The following ACOXL variants were observed in gnomAD, a reference collection of about 807,000 sequenced individuals.
ACOXL encodes the protein acyl-coenzyme A oxidase-like protein.
A neutral mutation model predicts 71.9 loss-of-function variants in ACOXL; 70 were observed. That is an observed-to-expected ratio of 0.97 (90% CI 0.80 to 1.19). The LOEUF (loss-of-function observed/expected upper bound fraction) is 1.19. ACOXL is among the 50% of genes most tolerant of loss of function. ACOXL has a pLI of 0.00. For missense variants in ACOXL, 703 were observed against 736.3 expected (o/e 0.95, Z 0.52); for synonymous variants, 253 against 281.6 (o/e 0.90, Z 1.02).
intron 17 of ACOXL, among the ~76,000 whole-genome samples, chr2:111,103,606 C>A (rs1055242030): frequency 6.6e-6 from 1 of 152,164 alleles, no homozygotes; most frequent in African/African-American, 2.4e-5. Context: ...TATTAATCTG[C>A]ATAACGGTTC....
chr2:110,977,627 A>T (rs1294486064), intron 12 of ACOXL, among the ~76,000 whole-genome samples: 2 of 151,994 alleles, frequency 1.3e-5, no homozygotes, highest in Non-Finnish European at 2.9e-5. Flanking sequence ...GCTGGCACTA[A>T]TTTTTTCGAA....
chr2:111,029,967 C>CA (rs1226669908), intron 14 of ACOXL, among the ~76,000 whole-genome samples: 1 of 152,046 alleles, frequency 6.6e-6, no homozygotes, highest in Non-Finnish European at 1.5e-5. Context: ...CAGGGGTCTG[C>CA]ATTGCACAGC....
At chr2:111,067,210 C>A (rs2067115329) in intron 16 of ACOXL, among the ~76,000 whole-genome samples, 1 of 152,082 alleles carries the variant, frequency 6.6e-6, no homozygotes, top group African/African-American at 2.4e-5. Context: ...AAAACCCCAC[C>A]TTAGTCACTT....
intron 10 of ACOXL, among the ~76,000 whole-genome samples, chr2:110,858,716 G>A (rs541801518): frequency 1.3e-4 from 20 of 152,334 alleles, no homozygotes; most frequent in Admixed American, 9.1e-4. Context: ...TCCCTATGGC[G>A]TTAGCTGATT....
At chr2:110,992,154 C>A (rs2063199772) in intron 13 of ACOXL, among the ~76,000 whole-genome samples, 1 of 152,200 alleles carries the variant, frequency 6.6e-6, no homozygotes, top group Admixed American at 6.5e-5. Context: ...GTGCCAAAGG[C>A]AGTATTCCAA....
At chr2:110,962,366 G>A (rs185070040) in intron 12 of ACOXL, among the ~76,000 whole-genome samples, 2 of 152,372 alleles carry the variant, frequency 1.3e-5, no homozygotes, top group Admixed American at 6.5e-5. Context: ...GTGGGGGGAA[G>A]TGAACTTCTG....
chr2:110,769,505 C>T (rs1265956297), intron 2 of ACOXL, among the ~76,000 whole-genome samples: 1 of 150,928 alleles, frequency 6.6e-6, no homozygotes, highest in Non-Finnish European at 1.5e-5. Flanking sequence ...AAATACAAAA[C>T]TGGCCAGGCA....
At chr2:111,080,516 G>A (rs1381849933) in intron 16 of ACOXL, among the ~76,000 whole-genome samples, 2 of 152,092 alleles carry the variant, frequency 1.3e-5, no homozygotes, top group African/African-American at 2.4e-5. Flanking sequence ...TTGTGTGATT[G>A]AGGCAATAAT....
chr2:110,968,158 C>T, intron 12 of ACOXL: 1 of 1,256,500 alleles, frequency 8.0e-7, no homozygotes, highest in Non-Finnish European at 1.1e-6. Context: ...GGCCCGCAGG[C>T]TTCTCAATAG....
At chr2:110,840,938 G>T (rs775341172) in intron 9 of ACOXL, among the ~76,000 whole-genome samples, 1 of 152,166 alleles carries the variant, frequency 6.6e-6, no homozygotes, top group Admixed American at 6.5e-5. Context: ...GAGATAGAGG[G>T]GGGACCAGCT....
At chr2:111,071,580 C>T (rs2067343722) in intron 16 of ACOXL, among the ~76,000 whole-genome samples, 1 of 152,198 alleles carries the variant, frequency 6.6e-6, no homozygotes, top group Admixed American at 6.5e-5. Flanking sequence ...GAAGGCAGAG[C>T]ACTTCATCAC....
intron 1 of ACOXL, among the ~76,000 whole-genome samples, chr2:110,761,378 C>T (rs1423314583): frequency 6.6e-6 from 1 of 152,164 alleles, no homozygotes; most frequent in Non-Finnish European, 1.5e-5. Context: ...CCCAATTGAA[C>T]ATTTCTCCTT....
At chr2:111,049,115 G>A in intron 15 of ACOXL, 103 bp from the exon 16 acceptor site, 2 of 917,820 alleles carry the variant, frequency 2.2e-6, no homozygotes, top group Non-Finnish European at 3.4e-6. Flanking sequence ...AGGACGGACA[G>A]CATGCTGTTT....
chr2:110,804,742 G>A (rs1295925240), intron 8 of ACOXL, among the ~76,000 whole-genome samples: 1 of 152,080 alleles, frequency 6.6e-6, no homozygotes, highest in African/African-American at 2.4e-5. Context: ...AAGACCAAAT[G>A]TGATATGATT....
chr2:110,855,991 C>T lies in ACOXL; in HGVS notation c.788+14586C>T, dbSNP rs190645493. Among the ~76,000 whole-genome samples the T allele has an allele frequency of 2.6e-5, 4 of 152,296 alleles. No individual in the cohort carries two copies. In the East Asian group the frequency reaches 5.8e-4, roughly 22 times the overall value. On this transcript the variant is annotated intron_variant, in intron 10 of 17. Coordinates refer to ENST00000439055, the MANE Select transcript of ACOXL (RefSeq NM_001142807.4). ...GTTCTGTTTCTGTCCTATCAGAATG[C>T]CCTTTTTTCAATCCTCCCTGTGATT...
At chr2:110,886,972 A>T (rs550924346) in intron 10 of ACOXL, 9 of 1,177,732 alleles carry the variant, frequency 7.6e-6, no homozygotes, top group African/African-American at 3.1e-5. Flanking sequence ...CACTATCCCA[A>T]ACTTTTTATC....
chr2:110,835,768 G>A (rs1690378992), intron 9 of ACOXL, among the ~76,000 whole-genome samples: 1 of 152,330 alleles, frequency 6.6e-6, no homozygotes. Context: ...ATCTCATTCA[G>A]TGCCTCTCAA....
intron 14 of ACOXL, among the ~76,000 whole-genome samples, chr2:111,023,728 A>G (rs1276417811): frequency 1.3e-5 from 2 of 152,132 alleles, no homozygotes; most frequent in Admixed American, 1.3e-4. Context: ...GGCTGGAGGA[A>G]GGCATGGGCC....
At chr2:110,825,271 A>C (rs572817596) in intron 9 of ACOXL, among the ~76,000 whole-genome samples, 5 of 152,154 alleles carry the variant, frequency 3.3e-5, no homozygotes, top group Admixed American at 1.3e-4. Context: ...AGTTTTAGCC[A>C]CTTATACTGA....
Sources: gnomAD v4.1 joint callset for allele counts (sites outside exome capture counted in the v4.1 genomes callset) on GRCh38, gnomAD v4.1.1 for gene constraint, MANE v1.5 for transcripts, NCBI Gene and HGNC (gene_info 2026-07-23, HGNC 2026-07-21) for gene names.